The following SPTBN1 variants were observed in gnomAD, a reference collection of about 807,000 sequenced individuals.
SPTBN1 encodes the protein spectrin beta chain, non-erythrocytic 1.
In SPTBN1, 32 loss-of-function variants were observed where a neutral mutation model predicts 266.4. The observed-to-expected ratio is 0.12, with a 90% CI of 0.09 to 0.16. The LOEUF (loss-of-function observed/expected upper bound fraction) is 0.16. SPTBN1 is among the 10% of genes least tolerant of loss of function. The probability of loss-of-function intolerance (pLI) is 1.00; values close to 1 mark genes in which losing one functional copy is unlikely to be tolerated. For synonymous variants in SPTBN1, 1,336 were observed against 1,162.2 expected (o/e 1.15, Z -3.04); for missense variants, 2,296 against 3,067.1 (o/e 0.75, Z 5.94).
intron 1 of SPTBN1, among the ~76,000 whole-genome samples, chr2:54,457,042 G>A (rs1274475974): frequency 6.6e-6 from 1 of 151,726 alleles, no homozygotes; most frequent in Non-Finnish European, 1.5e-5. Context: ...AGCGGTGCAG[G>A]GGATGCGGCC....
chr2:54,636,401 T>A (rs1284701685), intron 17 of SPTBN1, among the ~76,000 whole-genome samples: 1 of 152,230 alleles, frequency 6.6e-6, no homozygotes, highest in East Asian at 1.9e-4. Flanking sequence ...ATGTATAATT[T>A]CTACTGTTCT....
At position 54,628,280 on chromosome 2, in the gene SPTBN1, C is replaced by A. The variant is rs764302186; in HGVS notation, c.1798+30C>A. The A allele has an allele frequency of 4.4e-6, 7 of 1,587,908 alleles. No homozygotes were observed. The highest frequency in any genetic ancestry group is 6.0e-6 in the Non-Finnish European group (7 of 1,167,462). On this transcript the variant is annotated intron_variant, in intron 13 of 35. Coordinates refer to ENST00000356805, the MANE Select transcript of SPTBN1 (RefSeq NM_003128.3). The surrounding 1 kb of genome is among the most constrained non-coding windows in gnomAD (Gnocchi z 4.3). The stretch of plus-strand genomic sequence containing the variant: ...GGATGGCCCATTCCAAGCATTACCT[C>A]CGGGTCACCAGAGATTCATATTTAT...
chr2:54,486,756 C>G (rs981742809), intron 1 of SPTBN1, among the ~76,000 whole-genome samples: 2 of 150,616 alleles, frequency 1.3e-5, no homozygotes, highest in African/African-American at 4.9e-5. Flanking sequence ...AAAAGAAAAT[C>G]TAAGTTCTAA....
At chr2:54,612,126 G>T (rs752149602) in intron 3 of SPTBN1, 35 bp from the exon 4 acceptor site, 13 of 1,547,950 alleles carry the variant, frequency 8.4e-6, no homozygotes, top group Middle Eastern at 1.7e-4. Flanking sequence ...ACTCTGTTGG[G>T]TGATGTGTCT....
intron 1 of SPTBN1, among the ~76,000 whole-genome samples, chr2:54,488,539 C>A (rs1668526486): frequency 6.6e-6 from 1 of 152,184 alleles, no homozygotes; most frequent in African/African-American, 2.4e-5. Context: ...TGGTGTGTCA[C>A]AGGTCCTGTG....
intron 1 of SPTBN1, among the ~76,000 whole-genome samples, chr2:54,483,602 A>G (rs1223179027): frequency 1.3e-5 from 2 of 152,152 alleles, no homozygotes; most frequent in Non-Finnish European, 2.9e-5. Context: ...GCACCTCCCC[A>G]GGAGCAGATT....
chr2:54,588,243 T>C (rs1379583866), intron 2 of SPTBN1, among the ~76,000 whole-genome samples: 1 of 152,162 alleles, frequency 6.6e-6, no homozygotes, highest in African/African-American at 2.4e-5. Context: ...AACCTGTGTG[T>C]CTCCCAGGCT....
In SPTBN1 at chr2:54,669,581, C is replaced by T. The variant is rs1260220384; in HGVS notation, c.*1012C>T. On this transcript the variant is annotated 3_prime_UTR_variant, in exon 36 of 36. Coordinates refer to ENST00000356805, the MANE Select transcript of SPTBN1 (RefSeq NM_003128.3). Reference sequence around the variant, plus strand: ...GGCTGGGCCTGAACAGGGAGGTGGTCGCTCAGGCCTGGTGCTCAGTCGTAC... The same window carrying T: ...GGCTGGGCCTGAACAGGGAGGTGGTTGCTCAGGCCTGGTGCTCAGTCGTAC... The T allele has an allele frequency of 1.3e-5, 2 of 152,614 alleles. No homozygotes were observed. Among genetic ancestry groups the T allele is most frequent in the African/African-American group, 2.4e-5 (1 of 41,448 alleles). 9.5% of individuals were successfully genotyped at this position (152,614 alleles called of 1,614,324 possible).
chr2:54,631,326 C>T lies in SPTBN1; in HGVS notation c.3279C>T (p.Thr1093=). 1 of 1,614,262 alleles carries T rather than the reference C, an allele frequency of 6.2e-7. No homozygotes were observed. The highest frequency in any genetic ancestry group is 8.5e-7 in the Non-Finnish European group (1 of 1,180,048). ...TAIASEDMPN[T]LTEAEKLLTQ... is the part of the protein sequence containing the mutation. The stretch of plus-strand genomic sequence containing the variant: ...TCGCCTCGGAGGACATGCCAAACAC[C>T]CTGACCGAGGCTGAGAAGCTGCTCA... Residue 1093 remains threonine, a synonymous_variant, in exon 16 of 36, where the codon ACC becomes ACT. Coordinates refer to ENST00000356805, the MANE Select transcript of SPTBN1 (RefSeq NM_003128.3).
intron 26 of SPTBN1, among the ~76,000 whole-genome samples, chr2:54,651,154 C>T (rs1203736682): frequency 6.6e-6 from 1 of 152,088 alleles, no homozygotes; most frequent in Non-Finnish European, 1.5e-5. Flanking sequence ...TAGAAAACAC[C>T]TTGACAACAT....
chr2:54,581,659 A>G (rs1674923861), intron 2 of SPTBN1, among the ~76,000 whole-genome samples: 1 of 145,448 alleles, frequency 6.9e-6, no homozygotes, highest in Admixed American at 7.0e-5. Context: ...ACAGTTTAAG[A>G]AAACTGTCCC....
intron 2 of SPTBN1, among the ~76,000 whole-genome samples, chr2:54,551,731 G>C (rs1029408938): frequency 6.6e-6 from 1 of 152,110 alleles, no homozygotes; most frequent in African/African-American, 2.4e-5. Context: ...TGGGGGGAAT[G>C]GGGGGAAGGT....
At chr2:54,659,882 C>A in intron 31 of SPTBN1, 54 bp from the exon 32 acceptor site, 1 of 1,576,524 alleles carries the variant, frequency 6.3e-7, no homozygotes, top group Non-Finnish European at 8.6e-7. Context: ...CTTACTGTTT[C>A]CTCTTTCTCC....
intron 2 of SPTBN1, among the ~76,000 whole-genome samples, chr2:54,562,848 G>A (rs2104480769): frequency 6.6e-6 from 1 of 152,116 alleles, no homozygotes; most frequent in East Asian, 1.9e-4. Context: ...GTGAGCCACT[G>A]CACCCGGCCT....
At chr2:54,507,406 C>T (rs1486767162) in intron 1 of SPTBN1, among the ~76,000 whole-genome samples, 2 of 152,060 alleles carry the variant, frequency 1.3e-5, no homozygotes, top group African/African-American at 4.8e-5. Context: ...CTCAGGGCTG[C>T]TTTGAGCAGG....
chr2:54,525,133 A>G (rs1670722653), intron 1 of SPTBN1, among the ~76,000 whole-genome samples: 1 of 152,222 alleles, frequency 6.6e-6, no homozygotes, highest in African/African-American at 2.4e-5. Flanking sequence ...AATAATAGCT[A>G]TATTGAAGGG....
intron 2 of SPTBN1, among the ~76,000 whole-genome samples, chr2:54,531,087 G>A (rs539173406): frequency 1.3e-4 from 20 of 152,266 alleles, no homozygotes; most frequent in African/African-American, 4.1e-4. Flanking sequence ...CCATTTGGCC[G>A]TTCCTGAGTT....
At chr2:54,657,725 A>C in intron 29 of SPTBN1, 125 bp from the exon 30 acceptor site, 1 of 1,136,762 alleles carries the variant, frequency 8.8e-7, no homozygotes, top group Non-Finnish European at 1.3e-6. Flanking sequence ...GGGCTAATTT[A>C]GAGTAGACGA....
Position 54,585,431 on chromosome 2 carries a change from A to C in SPTBN1, c.149-13661A>C, listed in dbSNP as rs577877530. On this transcript the variant is annotated intron_variant, in intron 2 of 35. Transcript: ENST00000356805. ...TCCTCCAGTTTTTCTGTCCTCCTCT[A>C]TTAAAACAAGGCAATGTACATTGGG... is the stretch of plus-strand genomic sequence containing the variant. Among the ~76,000 whole-genome samples the C allele has an allele frequency of 4.2e-4, 30 of 71,780 alleles. No individual in the cohort carries two copies. The African/African-American group carries it at 5.0e-3, about 12-fold the overall frequency. The allele number at this position is 71,780 out of a possible 152,430, so 47.1% of individuals were successfully genotyped here. A position where few individuals can be genotyped will look rare whatever the true frequency, so the allele number is the denominator to read the frequency against.
Sources: allele counts gnomAD v4.1 joint callset (sites outside exome capture counted in the v4.1 genomes callset), GRCh38; gene constraint gnomAD v4.1.1; non-coding constraint Gnocchi (gnomAD v3.1); transcripts MANE v1.5; gene names NCBI Gene and HGNC (gene_info 2026-07-23, HGNC 2026-07-21).